KCNF1: variants seen among roughly 807,000 people sequenced by gnomAD.
The protein encoded by KCNF1 is voltage-gated potassium channel regulatory subunit KCNF1.
KCNF1 carries 9 observed loss-of-function variants against 28.6 expected under a neutral mutation model. The ratio of observed to expected loss-of-function variants is 0.31; its 90% CI spans 0.19 to 0.55. The LOEUF (loss-of-function observed/expected upper bound fraction) is 0.55. Ranked by LOEUF, KCNF1 falls within the 20% of genes least tolerant of loss-of-function variation. KCNF1 has a pLI of 0.93. For synonymous variants in KCNF1, 328 were observed against 299.6 expected, an observed-to-expected ratio of 1.09 and a Z score of -0.98; for missense variants, 461 against 684.2, an observed-to-expected ratio of 0.67 and a Z score of 3.64.
At position 10,913,743 on chromosome 2, in the gene KCNF1, G is replaced by C. The variant is rs752047195; in HGVS notation, c.1317G>C (p.Glu439Asp). The change falls in exon 1 of 1, where the codon GAG (glutamate) becomes GAC (aspartate). Residue 439 changes from glutamate to aspartate, a missense_variant. This residue lies in a region of KCNF1 where 101 missense variants were observed against 102.2 expected (regional missense o/e 0.99). Transcript: ENST00000295082. This position sits in a 1 kb window ranked among gnomAD's most constrained non-coding sequence, Gnocchi z 5.5. ...LMELNSSSGG[E>D]GKTGGSRSDL... ...AACTCAACTCCAGCAGCGGGGGCGAGGGCAAGACCGGGGGCTCCCGCAGTG... is the reference window on the plus strand; with the variant it reads ...AACTCAACTCCAGCAGCGGGGGCGACGGCAAGACCGGGGGCTCCCGCAGTG... 1.2e-6 allele frequency: 2 copies of C among 1,613,050 alleles called. No homozygotes were observed. Among genetic ancestry groups the C allele is most frequent in the Non-Finnish European group, 8.5e-7 (1 of 1,179,632 alleles).
In KCNF1 at chr2:10,912,677, A is replaced by G. The variant is rs750576434; in HGVS notation, c.251A>G (p.Asp84Gly). The G allele has an allele frequency of 6.2e-7, 1 of 1,614,078 alleles. No individual in the cohort carries two copies. ...GAGTTCTACTTTGACAGGGACCCGG[A>G]CGCCTTCAAGTGTGTCATCGAGGTG... Reference protein sequence around the residue: ...KREFYFDRDPDAFKCVIEVYY... With the variant: ...KREFYFDRDPGAFKCVIEVYY... Residue 84 changes from aspartate to glycine, a missense_variant, in exon 1 of 1, where the codon GAC becomes GGC. Asp to Gly is a moderately conservative substitution (Grantham distance 94). Around this residue, in one of 4 missense-constraint regions of KCNF1, gnomAD observed 193 missense variants for 280.6 expected, o/e 0.69. Transcript: ENST00000295082. The surrounding 1 kb of genome is among the most constrained non-coding windows in gnomAD (Gnocchi z 7.9).
Position 10,913,902 on chromosome 2 carries a change from T to G in KCNF1, c.1476T>G (p.Ser492Arg). ...AGCACCACAGGACCCGGCTCCAGAG[T>G]TGCAAGTGACAGGAGGGCCCCTCAG... ...EEKHHRTRLQ[S>R]CK is the part of the protein sequence containing the mutation. Residue 492 changes from serine to arginine, a missense_variant, in exon 1 of 1, where the codon AGT becomes AGG. Transcript: ENST00000295082. This position sits in a 1 kb window ranked among gnomAD's most constrained non-coding sequence, Gnocchi z 5.5. The G allele has an allele frequency of 6.6e-7, 1 of 1,519,860 alleles. No homozygotes were observed. Among genetic ancestry groups the G allele is most frequent in the Non-Finnish European group, 8.8e-7 (1 of 1,136,458 alleles). The allele number at this position is 1,519,860 out of a possible 1,614,324, so 94.1% of individuals were successfully genotyped here.
At position 10,914,085 on chromosome 2, in the gene KCNF1, G is replaced by T. The variant is rs994748273; in HGVS notation, c.*174G>T. ...AGGCTGGGTAAGACTCCTCTATGTT[G>T]CCTGCTGTCCAGGAGCCCGGGAGGG... On this transcript the variant is annotated 3_prime_UTR_variant, in exon 1 of 1. Transcript: ENST00000295082. 28 of 683,974 alleles carry T rather than the reference G, an allele frequency of 4.1e-5. No individual in the cohort carries two copies. In the Admixed American group the frequency reaches 9.9e-4, roughly 24 times the overall value. The allele number at this position is 683,974 out of a possible 1,614,324, so 42.4% of individuals were successfully genotyped here. A position where few individuals can be genotyped will look rare whatever the true frequency, so the allele number is the denominator to read the frequency against.
At position 10,913,601 on chromosome 2, in the gene KCNF1, T is replaced by A; in HGVS notation, c.1175T>A (p.Leu392Ter). The A allele has an allele frequency of 6.2e-7, 1 of 1,613,470 alleles. No individual in the cohort carries two copies. The highest frequency in any genetic ancestry group is 8.5e-7 in the Non-Finnish European group (1 of 1,179,926). Residue 392 changes from leucine (L) to a stop codon, truncating the protein, a stop_gained, in exon 1 of 1, where the codon TTG (leucine) becomes TAG (stop). Coordinates refer to ENST00000295082, the MANE Select transcript of KCNF1 (RefSeq NM_002236.5). LOFTEE classifies it high-confidence loss of function. The surrounding 1 kb of genome is among the most constrained non-coding windows in gnomAD (Gnocchi z 5.5). ...AAGCTCAACGCGGCCATCAGCTTCTTGTGTGGTGTCATCGCCATCGCCCTG... is the reference window on the plus strand; with the variant it reads ...AAGCTCAACGCGGCCATCAGCTTCTAGTGTGGTGTCATCGCCATCGCCCTG... Reference protein sequence around the residue: ...LGKLNAAISFLCGVIAIALPI... With the variant: ...LGKLNAAISF
At position 10,913,845 on chromosome 2, in the gene KCNF1, C is replaced by T. The variant is rs1446025791; in HGVS notation, c.1419C>T (p.Ser473=). 2 of 1,547,312 alleles carry T rather than the reference C, an allele frequency of 1.3e-6. No individual in the cohort carries two copies. The highest frequency in any genetic ancestry group is 2.5e-5 in the South Asian group (2 of 78,990). The change falls in exon 1 of 1, where the codon AGC becomes AGT. Residue 473 remains serine (S), a synonymous_variant. Coordinates refer to ENST00000295082, the MANE Select transcript of KCNF1 (RefSeq NM_002236.5). The surrounding 1 kb of genome is among the most constrained non-coding windows in gnomAD (Gnocchi z 5.5). The part of the protein sequence containing the change: ...SCSSRLKLSH[S]DTFIPLLTEE... ...GCAGCCGGCTGAAGCTCTCCCACAG[C>T]GACACCTTCATCCCCCTCCTGACCG...
chr2:10,913,146 C>T lies in KCNF1; in HGVS notation c.720C>T (p.Arg240=). Reference sequence around the variant, plus strand: ...GGTTCACCCTGGAGTACCTGCTGCGCCTCTTCTCGTCACCCAACAAGCTGC... The same window carrying T: ...GGTTCACCCTGGAGTACCTGCTGCGTCTCTTCTCGTCACCCAACAAGCTGC... The part of the protein sequence containing the change: ...IGWFTLEYLL[R]LFSSPNKLHF... The change falls in exon 1 of 1, where the codon CGC becomes CGT. Residue 240 remains arginine, a synonymous_variant. Coordinates refer to ENST00000295082, the MANE Select transcript of KCNF1 (RefSeq NM_002236.5). This position sits in a 1 kb window ranked among gnomAD's most constrained non-coding sequence, Gnocchi z 5.5. 1.9e-6 allele frequency: 3 copies of T among 1,613,010 alleles called. No homozygotes were observed. Among genetic ancestry groups the T allele is most frequent in the Non-Finnish European group, 2.5e-6 (3 of 1,180,032 alleles).
Position 10,912,889 on chromosome 2 carries a change from G to C in KCNF1, c.463G>C (p.Asp155His). 1 of 1,612,528 alleles carries C rather than the reference G, an allele frequency of 6.2e-7. No individual in the cohort carries two copies. ...VQLILDDLGV[D>H]AAEGRWRRCQ... is the part of the protein sequence containing the mutation. ...GCTCATCCTGGACGACCTGGGCGTG[G>C]ACGCAGCCGAGGGCCGCTGGCGCCG... Residue 155 changes from aspartate to histidine, a missense_variant, in exon 1 of 1, where the codon GAC becomes CAC. By Grantham distance (81) the Asp-to-His change is moderately conservative (BLOSUM62 -1). Transcript: ENST00000295082. The surrounding 1 kb of genome is among the most constrained non-coding windows in gnomAD (Gnocchi z 7.9).
rs771906770 is a variant in KCNF1, at chr2:10,913,539, C to G, written c.1113C>G (p.Val371=). The part of the protein sequence containing the change: ...FWWAIITMTT[V]GYGDIYPKTT... ...GGGCCATCATCACCATGACCACCGT[C>G]GGCTACGGCGACATCTACCCCAAGA... Residue 371 remains valine, a synonymous_variant, in exon 1 of 1, where the codon GTC becomes GTG. Transcript: ENST00000295082. This position sits in a 1 kb window ranked among gnomAD's most constrained non-coding sequence, Gnocchi z 5.5. 1 of 1,613,868 alleles carries G rather than the reference C, an allele frequency of 6.2e-7. No homozygotes were observed. The highest frequency in any genetic ancestry group is 8.5e-7 in the Non-Finnish European group (1 of 1,180,026).
Position 10,913,678 on chromosome 2 carries a change from G to A in KCNF1, c.1252G>A (p.Val418Ile), listed in dbSNP as rs372097411. 8.7e-6 allele frequency: 14 copies of A among 1,613,672 alleles called. No homozygotes were observed. Among genetic ancestry groups the A allele is most frequent in the African/African-American group, 2.7e-5 (2 of 74,918 alleles). The change falls in exon 1 of 1, where the codon GTC becomes ATC. Residue 418 changes from valine (V) to isoleucine (I), a missense_variant. By Grantham distance (29) the Val-to-Ile change is conservative (BLOSUM62 3). Around this residue, in one of 4 missense-constraint regions of KCNF1, gnomAD observed 115 missense variants for 261.6 expected, o/e 0.44. Transcript: ENST00000295082. This position sits in a 1 kb window ranked among gnomAD's most constrained non-coding sequence, Gnocchi z 5.5. ...TGTCAGGTACTACAACAAGCAGCGCGTCCTGGAGACCGCGGCCAAGCACGA... is the reference window on the plus strand; with the variant it reads ...TGTCAGGTACTACAACAAGCAGCGCATCCTGGAGACCGCGGCCAAGCACGA... ...NFVRYYNKQR[V>I]LETAAKHELE... is the part of the protein sequence containing the mutation.
Position 10,912,745 on chromosome 2 carries a change from A to G in KCNF1, c.319A>G (p.Ile107Val). The G allele has an allele frequency of 6.2e-7, 1 of 1,614,192 alleles. No homozygotes were observed. The highest frequency in any genetic ancestry group is 8.5e-7 in the Non-Finnish European group (1 of 1,180,036). ...CCACATGAAGAAGGGCATCTGCCCC[A>G]TCTGCTTCAAGAACGAGATGGACTT... ...EVHMKKGICP[I>V]CFKNEMDFWK... Residue 107 changes from isoleucine (I) to valine (V), a missense_variant, in exon 1 of 1, where the codon ATC becomes GTC. Physicochemically the swap from Ile to Val is conservative, Grantham distance 29. This residue lies in a region of KCNF1 where 193 missense variants were observed against 280.6 expected (regional missense o/e 0.69). Transcript: ENST00000295082. This position sits in a 1 kb window ranked among gnomAD's most constrained non-coding sequence, Gnocchi z 7.9.
chr2:10,913,795 G>A lies in KCNF1; in HGVS notation c.1369G>A (p.Ala457Thr), dbSNP rs2148610019. ...CCTGGACAACCTCCCTCCAGAGCCT[G>A]CGGGGAAGGAGGCGCCGAGCTGCAG... ...SDLDNLPPEP[A>T]GKEAPSCSSR... Residue 457 changes from alanine (A) to threonine (T), a missense_variant, in exon 1 of 1, where the codon GCG (alanine) becomes ACG (threonine). Ala to Thr is a moderately conservative substitution (Grantham distance 58). Coordinates refer to ENST00000295082, the MANE Select transcript of KCNF1 (RefSeq NM_002236.5). This position sits in a 1 kb window ranked among gnomAD's most constrained non-coding sequence, Gnocchi z 5.5. 6.3e-7 allele frequency: 1 copy of A among 1,589,790 alleles called. No individual in the cohort carries two copies. Among genetic ancestry groups the A allele is most frequent in the East Asian group, 2.2e-5 (1 of 44,522 alleles).
At position 10,913,238 on chromosome 2, in the gene KCNF1, C is replaced by A; in HGVS notation, c.812C>A (p.Thr271Lys). ...ATCCTCCCCTTCTACGTGAGCCTCACGCTCACGCACCTGGGTGCCCGCATG... is the reference window on the plus strand; with the variant it reads ...ATCCTCCCCTTCTACGTGAGCCTCAAGCTCACGCACCTGGGTGCCCGCATG... ...LAILPFYVSL[T>K]LTHLGARMME... is the part of the protein sequence containing the mutation. The change falls in exon 1 of 1, where the codon ACG (threonine) becomes AAG (lysine). Residue 271 changes from threonine to lysine, a missense_variant. This residue lies in a region of KCNF1 where 115 missense variants were observed against 261.6 expected (regional missense o/e 0.44). Transcript: ENST00000295082. This position sits in a 1 kb window ranked among gnomAD's most constrained non-coding sequence, Gnocchi z 5.5. The A allele has an allele frequency of 6.2e-7, 1 of 1,613,452 alleles. No homozygotes were observed. Among genetic ancestry groups the A allele is most frequent in the Non-Finnish European group, 8.5e-7 (1 of 1,179,980 alleles).
Position 10,912,964 on chromosome 2 carries a change from C to T in KCNF1, c.538C>T (p.Pro180Ser), listed in dbSNP as rs779758113. 1.9e-6 allele frequency: 3 copies of T among 1,604,090 alleles called. No individual in the cohort carries two copies. Among genetic ancestry groups the T allele is most frequent in the Admixed American group, 3.3e-5 (2 of 60,002 alleles). The change falls in exon 1 of 1, where the codon CCG becomes TCG. Residue 180 changes from proline (P) to serine (S), a missense_variant. By Grantham distance (74) the Pro-to-Ser change is moderately conservative. Coordinates refer to ENST00000295082, the MANE Select transcript of KCNF1 (RefSeq NM_002236.5). The surrounding 1 kb of genome is among the most constrained non-coding windows in gnomAD (Gnocchi z 7.9). Reference sequence around the variant, plus strand: ...CCTGGAGAAGCCCGAGTCGTCGTGCCCGGCGCGGGTGGTGGCCGTGCTCTC... The same window carrying T: ...CCTGGAGAAGCCCGAGTCGTCGTGCTCGGCGCGGGTGGTGGCCGTGCTCTC... ...KFLEKPESSC[P>S]ARVVAVLSFL...
chr2:10,914,172 G>A lies in KCNF1; in HGVS notation c.*261G>A, dbSNP rs1175567915. The A allele has an allele frequency of 9.4e-6, 4 of 427,234 alleles. No individual in the cohort carries two copies. The highest frequency in any genetic ancestry group is 8.0e-5 in the Admixed American group (2 of 24,952). The allele number at this position is 427,234 out of a possible 1,614,324, so 26.5% of individuals were successfully genotyped here. On this transcript the variant is annotated 3_prime_UTR_variant, in exon 1 of 1. Transcript: ENST00000295082. ...GTGGAGGCCGCGGCCTGGCTGGCAC[G>A]AGAGCCCACGCCCGCTTCTGTATCT...
Position 10,912,886 on chromosome 2 carries a change from G to T in KCNF1, c.460G>T (p.Val154Leu), listed in dbSNP as rs779483984. 12 of 1,612,748 alleles carry T rather than the reference G, an allele frequency of 7.4e-6. No individual in the cohort carries two copies. Among genetic ancestry groups the T allele is most frequent in the Non-Finnish European group, 1.0e-5 (12 of 1,179,754 alleles). The change falls in exon 1 of 1, where the codon GTG becomes TTG. Residue 154 changes from valine (V) to leucine (L), a missense_variant. Val to Leu is a conservative substitution (Grantham distance 32). This residue lies in a region of KCNF1 where 193 missense variants were observed against 280.6 expected (regional missense o/e 0.69). Transcript: ENST00000295082. This position sits in a 1 kb window ranked among gnomAD's most constrained non-coding sequence, Gnocchi z 7.9. ...RVQLILDDLGVDAAEGRWRRC... is the reference protein window; with the variant it reads ...RVQLILDDLGLDAAEGRWRRC... ...GCAGCTCATCCTGGACGACCTGGGC[G>T]TGGACGCAGCCGAGGGCCGCTGGCG...
At position 10,912,142 on chromosome 2, in the gene KCNF1, A is replaced by G. The variant is rs976357661; in HGVS notation, c.-285A>G. 6 of 150,320 alleles carry G rather than the reference A, an allele frequency of 4.0e-5. No homozygotes were observed. The highest frequency in any genetic ancestry group is 3.3e-4 in the Admixed American group (5 of 15,080). 9.3% of individuals were successfully genotyped at this position (150,320 alleles called of 1,614,324 possible). A position where few individuals can be genotyped will look rare whatever the true frequency, so the allele number is the denominator to read the frequency against. On this transcript the variant is annotated 5_prime_UTR_variant, in exon 1 of 1. Transcript: ENST00000295082. This position sits in a 1 kb window ranked among gnomAD's most constrained non-coding sequence, Gnocchi z 7.9. ...GAAGCGGCGGAGCGCGCCGCCAGCCAGCCGGGGTGAGTGCCCCGGGCGAGG... is the reference window on the plus strand; with the variant it reads ...GAAGCGGCGGAGCGCGCCGCCAGCCGGCCGGGGTGAGTGCCCCGGGCGAGG...
In KCNF1 at chr2:10,914,042, C is replaced by A; in HGVS notation, c.*131C>A. The A allele has an allele frequency of 1.4e-5, 15 of 1,037,286 alleles. No individual in the cohort carries two copies. Among genetic ancestry groups the A allele is most frequent in the Non-Finnish European group, 1.9e-5 (14 of 746,458 alleles). The allele number at this position is 1,037,286 out of a possible 1,614,324, so 64.3% of individuals were successfully genotyped here. ...CTCCCCTGGACAGACTCTGAAGGCC[C>A]TCCCGGCACCTCTGCCAAGGCTGGG... On this transcript the variant is annotated 3_prime_UTR_variant, in exon 1 of 1. Coordinates refer to ENST00000295082, the MANE Select transcript of KCNF1 (RefSeq NM_002236.5).
In KCNF1 at chr2:10,913,791, G is replaced by A; in HGVS notation, c.1365G>A (p.Glu455=). The change falls in exon 1 of 1, where the codon GAG becomes GAA. Residue 455 remains glutamate, a synonymous_variant. Coordinates refer to ENST00000295082, the MANE Select transcript of KCNF1 (RefSeq NM_002236.5). The surrounding 1 kb of genome is among the most constrained non-coding windows in gnomAD (Gnocchi z 5.5). ...GTGACCTGGACAACCTCCCTCCAGA[G>A]CCTGCGGGGAAGGAGGCGCCGAGCT... The part of the protein sequence containing the change: ...SRSDLDNLPP[E]PAGKEAPSCS... The A allele has an allele frequency of 6.3e-7, 1 of 1,593,536 alleles. No individual in the cohort carries two copies. Among genetic ancestry groups the A allele is most frequent in the Non-Finnish European group, 8.6e-7 (1 of 1,169,000 alleles).
rs543961546 is a variant in KCNF1 at position 10,914,098 on chromosome 2, G to A, written c.*187G>A. Reference sequence around the variant, plus strand: ...CTCCTCTATGTTGCCTGCTGTCCAGGAGCCCGGGAGGGAGGGGTGTGCAGG... The same window carrying A: ...CTCCTCTATGTTGCCTGCTGTCCAGAAGCCCGGGAGGGAGGGGTGTGCAGG... On this transcript the variant is annotated 3_prime_UTR_variant, in exon 1 of 1. Coordinates refer to ENST00000295082, the MANE Select transcript of KCNF1 (RefSeq NM_002236.5). The A allele has an allele frequency of 3.5e-5, 21 of 603,466 alleles. No individual in the cohort carries two copies. In the African/African-American group the frequency reaches 3.6e-4, roughly 10 times the overall value. The allele number at this position is 603,466 out of a possible 1,614,324, so 37.4% of individuals were successfully genotyped here.
Sources: gnomAD v4.1 joint callset for allele counts on GRCh38, gnomAD v4.1.1 for gene constraint, gnomAD v4.1.1 regional missense constraint, Gnocchi (gnomAD v3.1) non-coding constraint, MANE v1.5 for transcripts, NCBI Gene and HGNC (gene_info 2026-07-23, HGNC 2026-07-21) for gene names.